Variants in DOC2B observed in about 807,000 individuals in gnomAD.
DOC2B encodes double C2 domain beta.
DOC2B carries 21 observed loss-of-function variants against 28.9 expected under a neutral mutation model. That is an observed-to-expected ratio of 0.73 (90% CI 0.52 to 1.05). The LOEUF (loss-of-function observed/expected upper bound fraction) is 1.05. DOC2B is among the 50% of genes least tolerant of loss of function. The probability of loss-of-function intolerance (pLI) is 0.00; values close to 1 mark genes in which losing one functional copy is unlikely to be tolerated. For synonymous variants in DOC2B, 194 were observed against 178.1 expected (o/e 1.09, Z -0.71); for missense variants, 384 against 421.1 (o/e 0.91, Z 0.77).
Position 181,291 on chromosome 17 carries a change from A to G in DOC2B, c.189T>C (p.Ala63=). The G allele has an allele frequency of 8.4e-7, 1 of 1,193,588 alleles. No individual in the cohort carries two copies. Among genetic ancestry groups the G allele is most frequent in the East Asian group, 3.5e-5 (1 of 28,404 alleles). 73.9% of individuals were successfully genotyped at this position (1,193,588 alleles called of 1,614,324 possible). A position where few individuals can be genotyped will look rare whatever the true frequency, so the allele number is the denominator to read the frequency against. Reference sequence around the variant, plus strand: ...GGCTGCGGCGGCCGGCACCGGCCACAGCCGGGCGCGCGGGGGCGTCCGGGG... The same window carrying G: ...GGCTGCGGCGGCCGGCACCGGCCACGGCCGGGCGCGCGGGGGCGTCCGGGG... ...AAPPDAPARP[A]VAGAGRRSPS... Residue 63 remains alanine, a synonymous_variant, in exon 1 of 9, where the codon GCT becomes GCC. Coordinates refer to ENST00000613549, the MANE Select transcript of DOC2B (RefSeq NM_003585.5). This position sits in a 1 kb window ranked among gnomAD's most constrained non-coding sequence, Gnocchi z 7.0.
intron 2 of DOC2B, among the ~76,000 whole-genome samples, chr17:165,570 C>T (rs1265381200): frequency 6.6e-6 from 1 of 151,846 alleles, no homozygotes; most frequent in African/African-American, 2.4e-5. Context: ...ACTGTGTGGA[C>T]ACAGGGCCTG....
rs969236825 is a variant in DOC2B, at chr17:145,241, T to G, written c.*2200A>C. Reference sequence around the variant, plus strand: ...GTCTCCATCATGCACCTGAGCTTACTGAGCCTTCACCTGGTGTCTCTGCTG... The same window carrying G: ...GTCTCCATCATGCACCTGAGCTTACGGAGCCTTCACCTGGTGTCTCTGCTG... On this transcript the variant is annotated 3_prime_UTR_variant, in exon 9 of 9. Transcript: ENST00000613549. The G allele has an allele frequency of 3.9e-5, 6 of 152,184 alleles. No homozygotes were observed. Among genetic ancestry groups the G allele is most frequent in the Non-Finnish European group, 7.3e-5 (5 of 68,074 alleles). 9.4% of individuals were successfully genotyped at this position (152,184 alleles called of 1,614,324 possible). A position where few individuals can be genotyped will look rare whatever the true frequency, so the allele number is the denominator to read the frequency against.
In DOC2B at chr17:156,281, C is replaced by G; in HGVS notation, c.862G>C (p.Val288Leu). ...SQKQGLLVGI[V>L]RCAHLAAMDA... ...ATGGCGGCCAGGTGGGCGCACCGCA[C>G]GATGCCTACCAGCAGGCCTTGCTTC... is the stretch of plus-strand genomic sequence containing the variant. The change falls in exon 6 of 9, where the codon GTG (valine) becomes CTG (leucine). Residue 288 changes from valine to leucine, a missense_variant. Coordinates refer to ENST00000613549, the MANE Select transcript of DOC2B (RefSeq NM_003585.5). 6.4e-7 allele frequency: 1 copy of G among 1,551,710 alleles called. No homozygotes were observed. The highest frequency in any genetic ancestry group is 8.7e-7 in the Non-Finnish European group (1 of 1,147,058).
At chr17:178,051 G>T (rs990196784) in intron 1 of DOC2B, among the ~76,000 whole-genome samples, 3 of 152,236 alleles carry the variant, frequency 2.0e-5, no homozygotes, top group Non-Finnish European at 4.4e-5. Context: ...CATGAGAAAA[G>T]GAATCGGTCC....
intron 2 of DOC2B, among the ~76,000 whole-genome samples, chr17:165,880 T>C (rs2040257639): frequency 6.6e-6 from 1 of 152,270 alleles, no homozygotes; most frequent in Non-Finnish European, 1.5e-5. Context: ...ACAGTCCTTA[T>C]ACATTTGTTT....
intron 5 of DOC2B, among the ~76,000 whole-genome samples, chr17:160,742 G>A (rs1555523121): frequency 6.6e-6 from 1 of 152,202 alleles, no homozygotes; most frequent in African/African-American, 2.4e-5. Context: ...GGGGAGGGAA[G>A]AGGGACATAG....
chr17:156,274 C>T lies in DOC2B; in HGVS notation c.869G>A (p.Cys290Tyr). ...GGCGTCCATGGCGGCCAGGTGGGCG[C>T]ACCGCACGATGCCTACCAGCAGGCC... Reference protein sequence around the residue: ...KQGLLVGIVRCAHLAAMDANG... With the variant: ...KQGLLVGIVRYAHLAAMDANG... Residue 290 changes from cysteine to tyrosine, a missense_variant, in exon 6 of 9, where the codon TGC (cysteine) becomes TAC (tyrosine). Transcript: ENST00000613549. The T allele has an allele frequency of 6.4e-7, 1 of 1,551,732 alleles. No individual in the cohort carries two copies. The highest frequency in any genetic ancestry group is 8.7e-7 in the Non-Finnish European group (1 of 1,147,082).
chr17:173,807 G>A (rs765811645), intron 1 of DOC2B, among the ~76,000 whole-genome samples: 1 of 152,172 alleles, frequency 6.6e-6, no homozygotes, highest in Non-Finnish European at 1.5e-5. Flanking sequence ...AGTGGCTGGT[G>A]TGATCCCGGG....
rs1308036189 is a variant in DOC2B, at chr17:145,077, G to A, written c.*2364C>T. On this transcript the variant is annotated 3_prime_UTR_variant, in exon 9 of 9. Transcript: ENST00000613549. Reference sequence around the variant, plus strand: ...CCCATTCTGTGTGGAGAAAAGAGGAGCCCTTGCCTCAGCCCCCAGAGGCTA... The same window carrying A: ...CCCATTCTGTGTGGAGAAAAGAGGAACCCTTGCCTCAGCCCCCAGAGGCTA... 6.6e-6 allele frequency: 1 copy of A among 152,198 alleles called. No homozygotes were observed. Among genetic ancestry groups the A allele is most frequent in the East Asian group, 1.9e-4 (1 of 5,180 alleles). The allele number at this position is 152,198 out of a possible 1,614,324, so 9.4% of individuals were successfully genotyped here.
Position 180,032 on chromosome 17 carries a change from A to C in DOC2B, c.373+1075T>G, listed in dbSNP as rs749513935. 8.0e-3 allele frequency among the ~76,000 whole-genome samples: 1,223 copies of C among 152,294 alleles called. 18 individuals carry two copies. The highest frequency in any genetic ancestry group is 0.028 in the African/African-American group (1,154 of 41,580). On this transcript the variant is annotated intron_variant, in intron 1 of 8. Coordinates refer to ENST00000613549, the MANE Select transcript of DOC2B (RefSeq NM_003585.5). ...AGCCCACAGGCCCTGGTGAGTGCCC[A>C]GGCCAGGCGCAGACATCCCTGCTGC...
At chr17:158,865 T>C (rs1051841804) in intron 5 of DOC2B, among the ~76,000 whole-genome samples, 6 of 148,422 alleles carry the variant, frequency 4.0e-5, no homozygotes, top group Non-Finnish European at 7.5e-5. Context: ...GCCAACATGG[T>C]GAAACCCCAT....
chr17:165,690 C>T (rs1555523807), intron 2 of DOC2B, among the ~76,000 whole-genome samples: 1 of 151,950 alleles, frequency 6.6e-6, no homozygotes, highest in Non-Finnish European at 1.5e-5. Context: ...GTGGGGCTGC[C>T]TCTGGGACAG....
intron 2 of DOC2B, 89 bp downstream of exon 2, chr17:172,448 C>G: frequency 9.4e-7 from 1 of 1,064,326 alleles, no homozygotes; most frequent in Non-Finnish European, 1.4e-6. Context: ...GGACAGGAAC[C>G]TGGGGAGTGG....
intron 7 of DOC2B, among the ~76,000 whole-genome samples, chr17:148,618 A>C (rs1053238334): frequency 6.6e-5 from 10 of 151,436 alleles, no homozygotes; most frequent in Non-Finnish European, 1.2e-4. Flanking sequence ...CCTCCCTTCC[A>C]TCCGGGGTTC....
At chr17:164,759 C>T (rs2040243200) in intron 2 of DOC2B, among the ~76,000 whole-genome samples, 1 of 152,184 alleles carries the variant, frequency 6.6e-6, no homozygotes, top group Non-Finnish European at 1.5e-5. Context: ...TTCAGAAAAC[C>T]CAGCCACGCG....
chr17:152,092 C>T (rs989182348), intron 6 of DOC2B, among the ~76,000 whole-genome samples: 19 of 152,240 alleles, frequency 1.2e-4, no homozygotes, highest in Middle Eastern at 3.4e-3. Context: ...GCTCACGGAG[C>T]CGCCCTGTGC....
intron 2 of DOC2B, among the ~76,000 whole-genome samples, chr17:166,675 C>A (rs1555523927): frequency 1.3e-5 from 2 of 151,774 alleles, no homozygotes; most frequent in Non-Finnish European, 2.9e-5. Context: ...GAATACGTCT[C>A]ACGAGATCTC....
Position 180,020 on chromosome 17 carries a change from TG to T in DOC2B, c.373+1086del, listed in dbSNP as rs796402555. On this transcript the variant is annotated intron_variant, in intron 1 of 8. Transcript: ENST00000613549. ...CTCCAGGCCCGCAGCCCACAGGCCC[TG>T]GTGAGTGCCCAGGCCAGGCGCAGAC... Among the ~76,000 whole-genome samples the T allele has an allele frequency of 3.8e-3, 571 of 152,262 alleles. 4 individuals are homozygous for T. Among genetic ancestry groups the T allele is most frequent in the Middle Eastern group, 0.014 (4 of 294 alleles).
intron 1 of DOC2B, among the ~76,000 whole-genome samples, chr17:178,930 T>C (rs1449668062): frequency 2.0e-5 from 3 of 152,216 alleles, no homozygotes; most frequent in Non-Finnish European, 1.5e-5. Flanking sequence ...CCTGGGGTAC[T>C]GGGTGGAAGG....
Sources: gnomAD v4.1 joint callset for allele counts (sites outside exome capture counted in the v4.1 genomes callset) on GRCh38, gnomAD v4.1.1 for gene constraint, Gnocchi (gnomAD v3.1) non-coding constraint, MANE v1.5 for transcripts, NCBI Gene and HGNC (gene_info 2026-07-23, HGNC 2026-07-21) for gene names.